Variants in NFATC3 observed in about 807,000 individuals in gnomAD.
NFATC3 encodes nuclear factor of activated T-cells, cytoplasmic 3.
A neutral mutation model predicts 98.6 loss-of-function variants in NFATC3; 46 were observed. The observed-to-expected ratio is 0.47, with a 90% CI of 0.37 to 0.60. The LOEUF (loss-of-function observed/expected upper bound fraction) is 0.60, where lower values mean the gene tolerates loss of function less well. Ranked by LOEUF, NFATC3 falls within the 20% of genes least tolerant of loss-of-function variation. The pLI is 0.00. For missense variants in NFATC3, 1,256 were observed against 1,295.5 expected, an observed-to-expected ratio of 0.97 and a Z score of 0.47; for synonymous variants, 512 against 472.2, an observed-to-expected ratio of 1.08 and a Z score of -1.09.
chr16:68,217,689 T>G, intron 9 of NFATC3: 21 of 1,231,606 alleles, frequency 1.7e-5, no homozygotes, highest in Non-Finnish European at 2.0e-5. Flanking sequence ...CCTTTCAATT[T>G]GTTGTTCCTC....
At chr16:68,093,745 A>T (rs1357294674) in intron 1 of NFATC3, among the ~76,000 whole-genome samples, 3 of 152,344 alleles carry the variant, frequency 2.0e-5, no homozygotes, top group South Asian at 4.1e-4. Context: ...TTGACCATCT[A>T]GAAAGTGGAA....
intron 3 of NFATC3, among the ~76,000 whole-genome samples, chr16:68,130,929 G>A (rs1206051185): frequency 2.0e-5 from 3 of 152,064 alleles, no homozygotes; most frequent in Non-Finnish European, 2.9e-5. Context: ...GTTCTTATTA[G>A]CACCTTTGTC....
At chr16:68,183,101 G>C (rs768278782) in intron 7 of NFATC3, 139 bp from the exon 8 acceptor site, 47 of 789,044 alleles carry the variant, frequency 6.0e-5, no homozygotes, top group Non-Finnish European at 6.0e-5. Flanking sequence ...TAAATCTCCA[G>C]ATGATGTATA....
intron 4 of NFATC3, among the ~76,000 whole-genome samples, chr16:68,161,011 T>A (rs1280383187): frequency 6.6e-6 from 1 of 152,146 alleles, no homozygotes; most frequent in Admixed American, 6.5e-5. Context: ...TTCTATAATG[T>A]AGAAAGAACT....
intron 4 of NFATC3, among the ~76,000 whole-genome samples, chr16:68,166,104 G>A (rs2039180311): frequency 6.6e-6 from 1 of 152,180 alleles, no homozygotes; most frequent in African/African-American, 2.4e-5. Context: ...GTCTAAATAT[G>A]CTGTTGATAA....
chr16:68,205,184 A>G (rs1225681637), intron 9 of NFATC3, among the ~76,000 whole-genome samples: 1 of 152,138 alleles, frequency 6.6e-6, no homozygotes, highest in Non-Finnish European at 1.5e-5. Context: ...CATGTTGTAT[A>G]TTTAAAAACA....
intron 9 of NFATC3, among the ~76,000 whole-genome samples, chr16:68,223,484 T>C (rs1043090419): frequency 2.6e-4 from 39 of 152,216 alleles, no homozygotes; most frequent in African/African-American, 9.4e-4. Context: ...ATTACTTTTA[T>C]ACCAACCAAA....
chr16:68,158,155 A>G, intron 4 of NFATC3, 87 bp downstream of exon 4: 1 of 817,614 alleles, frequency 1.2e-6, no homozygotes, highest in Admixed American at 3.1e-5. Flanking sequence ...ATATAAATAT[A>G]AAATATTGTT....
intron 3 of NFATC3, among the ~76,000 whole-genome samples, chr16:68,148,703 A>T (rs865972432): frequency 2.6e-5 from 4 of 152,136 alleles, no homozygotes; most frequent in Non-Finnish European, 5.9e-5. Flanking sequence ...ATTGGATAAA[A>T]AGTCTATAAA....
chr16:68,090,398 A>C (rs1160626974), intron 1 of NFATC3, among the ~76,000 whole-genome samples: 1 of 149,184 alleles, frequency 6.7e-6, no homozygotes, highest in Non-Finnish European at 1.5e-5. Flanking sequence ...ACCCTTCTCC[A>C]CATGCTAAAT....
Position 68,191,864 on chromosome 16 carries a change from T to C in NFATC3, c.3106+89T>C, listed in dbSNP as rs998768898. 2.9e-6 allele frequency: 4 copies of C among 1,371,656 alleles called. No homozygotes were observed. In the African/African-American group the frequency reaches 5.8e-5, roughly 20 times the overall value. 85.0% of individuals were successfully genotyped at this position (1,371,656 alleles called of 1,614,324 possible). On this transcript the variant is annotated intron_variant, in intron 9 of 9. Transcript: ENST00000346183. ...TCATGAAAAAGTTTCTATGGATTGC[T>C]TATTGGCATATGGTTGGGCTTTTAA... is the stretch of plus-strand genomic sequence containing the variant.
In NFATC3 at chr16:68,190,919, C is replaced by T. The variant is rs750482193; in HGVS notation, c.2250C>T (p.Ser750=). ...CAGGACAGAGAAGTTTGATTTGCTCCATCCCACAAACATATGCATCCATGG... is the reference window on the plus strand; with the variant it reads ...CAGGACAGAGAAGTTTGATTTGCTCTATCCCACAAACATATGCATCCATGG... ...VLSGQRSLIC[S]IPQTYASMVT... is the part of the protein sequence containing the mutation. Residue 750 remains serine (S), a synonymous_variant, in exon 9 of 10, where the codon TCC becomes TCT. Coordinates refer to ENST00000346183, the MANE Select transcript of NFATC3 (RefSeq NM_173165.3). 3.0e-5 allele frequency: 49 copies of T among 1,614,050 alleles called. 1 individual carries two copies. The highest frequency in any genetic ancestry group is 4.2e-5 in the Non-Finnish European group (49 of 1,180,040).
chr16:68,143,052 C>T (rs1428881155), intron 3 of NFATC3, among the ~76,000 whole-genome samples: 2 of 151,480 alleles, frequency 1.3e-5, no homozygotes, highest in African/African-American at 4.9e-5. Flanking sequence ...AGCAATAGTG[C>T]GAGAACCTGT....
chr16:68,190,836 C>G lies in NFATC3; in HGVS notation c.2167C>G (p.Pro723Ala). ...AGTTCCATCTTTGCCTGTGCCTCATCCTGCTCAGACCCAGAGGCCTTCCTC... is the reference window on the plus strand; with the variant it reads ...AGTTCCATCTTTGCCTGTGCCTCATGCTGCTCAGACCCAGAGGCCTTCCTC... Reference protein sequence around the residue: ...SSVPSLPVPHPAQTQRPSSDS... With the variant: ...SSVPSLPVPHAAQTQRPSSDS... Residue 723 changes from proline (P) to alanine (A), a missense_variant, in exon 9 of 10, where the codon CCT becomes GCT. By Grantham distance (27) the Pro-to-Ala change is conservative. This residue lies in a region of NFATC3 where 636 missense variants were observed against 617.3 expected (regional missense o/e 1.03). Transcript: ENST00000346183. 6.2e-7 allele frequency: 1 copy of G among 1,614,144 alleles called. No homozygotes were observed. The highest frequency in any genetic ancestry group is 8.5e-7 in the Non-Finnish European group (1 of 1,180,016).
In NFATC3 at chr16:68,174,388, C is replaced by T; in HGVS notation, c.1789C>T (p.Gln597Ter). ...IPVECSQRSA[Q>*]ELPHIEKYSI... is the part of the protein sequence containing the mutation. Reference sequence around the variant, plus strand: ...ATTTAAAACAGCCCAGCGGTCTGCTCAAGAACTTCCTCATATTGAGAAGTA... The same window carrying T: ...ATTTAAAACAGCCCAGCGGTCTGCTTAAGAACTTCCTCATATTGAGAAGTA... Residue 597 changes from glutamine (Q) to a stop codon, truncating the protein, a stop_gained, in exon 6 of 10, where the codon CAA becomes TAA. Transcript: ENST00000346183. LOFTEE classifies it high-confidence loss of function. 1 of 1,536,940 alleles carries T rather than the reference C, an allele frequency of 6.5e-7. No individual in the cohort carries two copies. Among genetic ancestry groups the T allele is most frequent in the Non-Finnish European group, 8.7e-7 (1 of 1,143,834 alleles).
intron 3 of NFATC3, among the ~76,000 whole-genome samples, chr16:68,151,577 T>C (rs2038320606): frequency 6.6e-6 from 1 of 152,208 alleles, no homozygotes; most frequent in Non-Finnish European, 1.5e-5. Context: ...TTCTGTGAGA[T>C]GTAGACTATT....
chr16:68,094,435 A>T (rs1477284907), intron 1 of NFATC3, among the ~76,000 whole-genome samples: 1 of 152,022 alleles, frequency 6.6e-6, no homozygotes, highest in African/African-American at 2.4e-5. Context: ...AAAAAAAAAA[A>T]TGAGTACTAT....
intron 5 of NFATC3, among the ~76,000 whole-genome samples, chr16:68,171,873 C>T (rs971687767): frequency 3.3e-5 from 5 of 152,078 alleles, no homozygotes; most frequent in African/African-American, 1.2e-4. Flanking sequence ...ACTGCAACCT[C>T]CGCCTCCTGG....
At chr16:68,170,426 G>A (rs2151604074) in intron 5 of NFATC3, among the ~76,000 whole-genome samples, 1 of 146,462 alleles carries the variant, frequency 6.8e-6, no homozygotes, top group East Asian at 2.0e-4. Context: ...ACAAAGAATA[G>A]TATAATATTA....
Sources: gnomAD v4.1 joint callset for allele counts (sites outside exome capture counted in the v4.1 genomes callset) on GRCh38, gnomAD v4.1.1 for gene constraint, gnomAD v4.1.1 regional missense constraint, MANE v1.5 for transcripts, NCBI Gene and HGNC (gene_info 2026-07-23, HGNC 2026-07-21) for gene names.